Variants in ROCK1 observed in about 807,000 individuals in gnomAD.
ROCK1 encodes rho-associated protein kinase 1.
In ROCK1, 36 loss-of-function variants were observed where a neutral mutation model predicts 196.8. That is an observed-to-expected ratio of 0.18 (90% CI 0.14 to 0.24). The LOEUF is 0.24. Ranked by LOEUF, ROCK1 falls within the 10% of genes least tolerant of loss-of-function variation. The probability of loss-of-function intolerance (pLI) is 1.00; values close to 1 mark genes in which losing one functional copy is unlikely to be tolerated. For missense variants in ROCK1, 920 were observed against 1,562.0 expected, an observed-to-expected ratio of 0.59 and a Z score of 6.93; for synonymous variants, 443 against 515.9, an observed-to-expected ratio of 0.86 and a Z score of 1.91.
rs57145870 is a variant in ROCK1, at chr18:21,035,549, CAAAT to C, written c.1051+3919_1051+3922del. 6.5e-3 allele frequency among the ~76,000 whole-genome samples: 995 copies of C among 152,082 alleles called. 13 individuals are homozygous for C. The highest frequency in any genetic ancestry group is 0.023 in the African/African-American group (955 of 41,472). ...GCCATTCCACTTCTAGGTATATACTCAAATTAATAGAAAACAGGGATATTACAGA... is the reference window on the plus strand; with the variant it reads ...GCCATTCCACTTCTAGGTATATACTCTAATAGAAAACAGGGATATTACAGA... On this transcript the variant is annotated intron_variant, in intron 9 of 32. Coordinates refer to ENST00000399799, the MANE Select transcript of ROCK1 (RefSeq NM_005406.3).
chr18:21,048,164 C>T (rs145260723), intron 4 of ROCK1, among the ~76,000 whole-genome samples: 1 of 152,220 alleles, frequency 6.6e-6, no homozygotes, highest in East Asian at 1.9e-4. Context: ...AATTGTGGCC[C>T]AGAGATGTTA....
At chr18:20,957,499 G>A (rs75457855) in intron 29 of ROCK1, among the ~76,000 whole-genome samples, 5 of 138,476 alleles carry the variant, frequency 3.6e-5, no homozygotes, top group African/African-American at 1.3e-4. Flanking sequence ...TTTTTTTTTT[G>A]AGATGGAGTC....
chr18:21,082,573 A>G (rs1367087400), intron 1 of ROCK1, among the ~76,000 whole-genome samples: 1 of 152,216 alleles, frequency 6.6e-6, no homozygotes, highest in Non-Finnish European at 1.5e-5. Context: ...AGAATAAAGG[A>G]CAAAAACCAC....
At chr18:21,039,671 T>C (rs932391803) in intron 8 of ROCK1, 108 bp from the exon 9 acceptor site, 10 of 730,116 alleles carry the variant, frequency 1.4e-5, no homozygotes, top group Middle Eastern at 3.0e-4. Context: ...ACGACAAATA[T>C]AGTTCTAAGG....
chr18:21,056,537 C>A (rs2036246650), intron 2 of ROCK1, among the ~76,000 whole-genome samples: 1 of 152,144 alleles, frequency 6.6e-6, no homozygotes, highest in African/African-American at 2.4e-5. Flanking sequence ...CCATGCTAGA[C>A]CAAGTCACCA....
At chr18:20,958,115 A>G (rs1284596762) in intron 29 of ROCK1, among the ~76,000 whole-genome samples, 1 of 152,212 alleles carries the variant, frequency 6.6e-6, no homozygotes, top group African/African-American at 2.4e-5. Flanking sequence ...CATCAATCTA[A>G]AAAGTATTTA....
intron 22 of ROCK1, among the ~76,000 whole-genome samples, chr18:20,978,027 CA>C (rs2035496192): frequency 6.6e-6 from 1 of 152,174 alleles, no homozygotes; most frequent in Non-Finnish European, 1.5e-5. Flanking sequence ...AGCTCTGCAA[CA>C]AACTATTGTC....
At chr18:20,961,905 T>C (rs2035331280) in intron 27 of ROCK1, among the ~76,000 whole-genome samples, 1 of 149,754 alleles carries the variant, frequency 6.7e-6, no homozygotes, top group Non-Finnish European at 1.5e-5. Context: ...TCCTAAGCAG[T>C]GGCATGTACC....
intron 27 of ROCK1, among the ~76,000 whole-genome samples, chr18:20,963,961 T>G (rs1472004912): frequency 6.6e-6 from 1 of 152,104 alleles, no homozygotes; most frequent in African/African-American, 2.4e-5. Flanking sequence ...ATTGGGAATT[T>G]TAGAAGGGAG....
At chr18:20,982,509 C>T (rs1205739165) in intron 21 of ROCK1, among the ~76,000 whole-genome samples, 1 of 152,176 alleles carries the variant, frequency 6.6e-6, no homozygotes, top group African/African-American at 2.4e-5. Flanking sequence ...GCCTCGGCCT[C>T]CCAAAGTGCT....
intron 32 of ROCK1, among the ~76,000 whole-genome samples, chr18:20,953,037 G>A (rs1291896027): frequency 2.0e-5 from 3 of 152,034 alleles, no homozygotes; most frequent in Non-Finnish European, 4.4e-5. Context: ...ATGGGTTGAT[G>A]GGTGCAGCAA....
At chr18:21,042,457 C>A in intron 7 of ROCK1, 108 bp downstream of exon 7, 3 of 1,261,946 alleles carry the variant, frequency 2.4e-6, no homozygotes, top group Non-Finnish European at 3.2e-6. Context: ...TTATTACCCA[C>A]AAATAAAATC....
intron 22 of ROCK1, among the ~76,000 whole-genome samples, chr18:20,978,085 G>A (rs1464317483): frequency 6.6e-6 from 1 of 151,856 alleles, no homozygotes; most frequent in Non-Finnish European, 1.5e-5. Flanking sequence ...ACTCGATTAA[G>A]GCAACTTAAT....
rs555991076 is a variant in ROCK1 at position 21,099,893 on chromosome 18, G to A, written c.93+10925C>T. Among the ~76,000 whole-genome samples, 76 of 152,016 alleles carry A rather than the reference G, an allele frequency of 5.0e-4. 1 individual carries two copies. In the South Asian group the frequency reaches 6.5e-3, roughly 13 times the overall value. On this transcript the variant is annotated intron_variant, in intron 1 of 32. Transcript: ENST00000399799. ...TCTACTAAAGATACAAAAATTAGCC[G>A]GGCATGGTGGCACATGCCTGTAGTC...
chr18:20,978,791 G>A (rs1421653490), intron 22 of ROCK1, among the ~76,000 whole-genome samples: 2 of 152,230 alleles, frequency 1.3e-5, no homozygotes, highest in Non-Finnish European at 2.9e-5. Context: ...GGCATAATTA[G>A]GAGGTGGGAT....
At chr18:20,960,030 A>T in intron 28 of ROCK1, 102 bp from the exon 29 acceptor site, 1 of 1,028,724 alleles carries the variant, frequency 9.7e-7, no homozygotes, top group Non-Finnish European at 1.5e-6. Context: ...ATACTGTATT[A>T]ATGTAAAATA....
chr18:20,961,665 A>T (rs1256084544), intron 27 of ROCK1, among the ~76,000 whole-genome samples: 1 of 152,084 alleles, frequency 6.6e-6, no homozygotes, highest in Non-Finnish European at 1.5e-5. Context: ...GAATTGTGGG[A>T]AATATTTTTT....
intron 12 of ROCK1, among the ~76,000 whole-genome samples, chr18:21,016,883 C>A (rs117005850): frequency 0.032 from 4,872 of 151,590 alleles, 125 homozygotes; most frequent in Non-Finnish European, 0.047. Context: ...TTAGCCCCCC[C>A]GCAAAAAAAA....
At chr18:20,988,836 T>C (rs2035598892) in intron 18 of ROCK1, among the ~76,000 whole-genome samples, 1 of 152,214 alleles carries the variant, frequency 6.6e-6, no homozygotes, top group African/African-American at 2.4e-5. Flanking sequence ...TTTGTCTATA[T>C]TCACTATCTG....
Sources: gnomAD v4.1 joint callset for allele counts (sites outside exome capture counted in the v4.1 genomes callset) on GRCh38, gnomAD v4.1.1 for gene constraint, MANE v1.5 for transcripts, NCBI Gene and HGNC (gene_info 2026-07-23, HGNC 2026-07-21) for gene names.